The following DEPDC5 variants were observed in gnomAD, a reference collection of about 807,000 sequenced individuals.
DEPDC5 encodes DEP domain containing 5, GATOR1 subcomplex subunit, also known as GATOR1 complex protein DEPDC5.
Under a neutral mutation model 217.3 loss-of-function variants are expected in DEPDC5, and 73 were observed. The ratio of observed to expected loss-of-function variants is 0.34; its 90% CI spans 0.28 to 0.41. The LOEUF (loss-of-function observed/expected upper bound fraction) is 0.41. Ranked by LOEUF, DEPDC5 falls within the 10% of genes least tolerant of loss-of-function variation. The pLI is 1.00. For synonymous variants in DEPDC5, 733 were observed against 756.7 expected (o/e 0.97, Z 0.51); for missense variants, 1,675 against 2,070.1 (o/e 0.81, Z 3.70).
chr22:31,889,339 A>C (rs1381000768), intron 38 of DEPDC5, among the ~76,000 whole-genome samples: 2 of 152,224 alleles, frequency 1.3e-5, no homozygotes, highest in Non-Finnish European at 2.9e-5. Flanking sequence ...GTACAGGGCC[A>C]GTAGTATCTT....
chr22:31,858,840 G>C (rs553469925), intron 32 of DEPDC5: 1 of 151,960 alleles, frequency 6.6e-6, no homozygotes, highest in African/African-American at 2.4e-5. Flanking sequence ...GAATATGCTT[G>C]GAATAATCAT....
At chr22:31,861,482 A>T in intron 33 of DEPDC5, 49 bp downstream of exon 33, 1 of 1,543,538 alleles carries the variant, frequency 6.5e-7, no homozygotes, top group Admixed American at 2.0e-5. Flanking sequence ...GGCAGACGCC[A>T]TGAGCTGGCC....
At chr22:31,778,217 G>A (rs1217870396) in intron 8 of DEPDC5, 49 bp downstream of exon 8, 3 of 1,560,588 alleles carry the variant, frequency 1.9e-6, no homozygotes, top group Non-Finnish European at 2.7e-6. Context: ...ATACTATTAT[G>A]GCTAAGTCCT....
At chr22:31,759,787 A>C (rs1312372151) in intron 3 of DEPDC5, among the ~76,000 whole-genome samples, 1 of 141,144 alleles carries the variant, frequency 7.1e-6, no homozygotes. Flanking sequence ...GGTTCAAGTG[A>C]CTCTTCTGCC....
chr22:31,882,418 G>T (rs75447768), intron 38 of DEPDC5, among the ~76,000 whole-genome samples: 3,323 of 152,250 alleles, frequency 0.022, 39 homozygotes, highest in Middle Eastern at 0.034. Context: ...CATGCATGGC[G>T]ACAATTTATG....
intron 7 of DEPDC5, among the ~76,000 whole-genome samples, chr22:31,776,702 A>G (rs2083895646): frequency 6.7e-6 from 1 of 148,978 alleles, no homozygotes. Context: ...GCTTCCTGAG[A>G]AGCTGAGATT....
At chr22:31,810,118 C>T (rs977874957) in intron 19 of DEPDC5, among the ~76,000 whole-genome samples, 4 of 152,142 alleles carry the variant, frequency 2.6e-5, no homozygotes, top group East Asian at 1.9e-4. Context: ...TATTTTTTCC[C>T]GCCATCTGCA....
intron 12 of DEPDC5, among the ~76,000 whole-genome samples, chr22:31,796,880 AG>A (rs2086300200): frequency 6.6e-6 from 1 of 151,822 alleles, no homozygotes; most frequent in African/African-American, 2.4e-5. Context: ...TATTTTTAGT[AG>A]AGATGGGGTT....
At chr22:31,777,075 G>C (rs921849478) in intron 7 of DEPDC5, among the ~76,000 whole-genome samples, 2 of 150,872 alleles carry the variant, frequency 1.3e-5, no homozygotes, top group African/African-American at 4.9e-5. Context: ...CGGTTCTCCT[G>C]CCTAAGCCTC....
At chr22:31,880,132 C>T (rs114837959) in intron 38 of DEPDC5, 136 of 246,168 alleles carry the variant, frequency 5.5e-4, no homozygotes, top group African/African-American at 3.0e-3. Flanking sequence ...ATCCTATGAT[C>T]TCAGAAGAGG....
intron 2 of DEPDC5, chr22:31,755,524 G>A (rs1443494314): frequency 6.6e-6 from 1 of 152,360 alleles, no homozygotes; most frequent in Non-Finnish European, 1.5e-5. Flanking sequence ...GAAAGTTGAA[G>A]GGCTTTAGAA....
intron 33 of DEPDC5, among the ~76,000 whole-genome samples, chr22:31,865,025 T>C (rs112882863): frequency 0.024 from 3,325 of 136,448 alleles, 41 homozygotes; most frequent in African/African-American, 0.041. Flanking sequence ...GGGGTTTTGC[T>C]ATGTTGGCCA....
intron 31 of DEPDC5, among the ~76,000 whole-genome samples, chr22:31,852,460 C>T (rs1020142722): frequency 1.3e-5 from 2 of 151,796 alleles, no homozygotes; most frequent in African/African-American, 4.8e-5. Context: ...CCTGCCTCAG[C>T]CTCCCGAGAA....
chr22:31,884,682 C>G (rs2149324602), intron 38 of DEPDC5, among the ~76,000 whole-genome samples: 1 of 152,236 alleles, frequency 6.6e-6, no homozygotes, highest in African/African-American at 2.4e-5. Flanking sequence ...CCTTTATTAC[C>G]CCAAGATCTG....
chr22:31,852,594 C>T (rs2092089964), intron 31 of DEPDC5, among the ~76,000 whole-genome samples: 1 of 152,150 alleles, frequency 6.6e-6, no homozygotes, highest in South Asian at 2.1e-4. Context: ...CTGCCTTGGC[C>T]TCCCAAAGTA....
intron 21 of DEPDC5, among the ~76,000 whole-genome samples, chr22:31,818,188 C>T (rs563631838): frequency 2.0e-5 from 3 of 152,258 alleles, no homozygotes; most frequent in South Asian, 2.1e-4. Context: ...TCTACCATTG[C>T]GCCAGACAGG....
Position 31,866,626 on chromosome 22 carries a change from C to T in DEPDC5, c.3331-3964C>T, listed in dbSNP as rs530078266. ...GTCTCCATCTCCTGACCTTGTGATC[C>T]GCCCACCTCGGCCTCCCAAAGTGCT... On this transcript the variant is annotated intron_variant, in intron 33 of 42. Coordinates refer to ENST00000651528, the MANE Select transcript of DEPDC5 (RefSeq NM_001242896.3). Among the ~76,000 whole-genome samples, 4 of 152,212 alleles carry T rather than the reference C, an allele frequency of 2.6e-5. No individual in the cohort carries two copies. The East Asian group carries it at 5.8e-4, about 22-fold the overall frequency.
At chr22:31,800,868 C>T (rs369199786) in intron 14 of DEPDC5, among the ~76,000 whole-genome samples, 7 of 151,932 alleles carry the variant, frequency 4.6e-5, no homozygotes, top group African/African-American at 1.7e-4. Flanking sequence ...CTCAGCTACT[C>T]AGGAGGCTGA....
intron 27 of DEPDC5, among the ~76,000 whole-genome samples, chr22:31,839,989 A>C (rs559546866): frequency 2.6e-5 from 4 of 152,326 alleles, no homozygotes; most frequent in African/African-American, 9.6e-5. Flanking sequence ...AAGAAAAATA[A>C]ATATATGAAT....
Sources: allele counts gnomAD v4.1 joint callset (sites outside exome capture counted in the v4.1 genomes callset), GRCh38; gene constraint gnomAD v4.1.1; transcripts MANE v1.5; gene names NCBI Gene and HGNC (gene_info 2026-07-23, HGNC 2026-07-21).